The following UACA variants were observed in gnomAD, a reference collection of about 807,000 sequenced individuals.
UACA encodes nuclear membrane binding protein.
In UACA, 112 loss-of-function variants were observed where a neutral mutation model predicts 160.5. The ratio of observed to expected loss-of-function variants is 0.70; its 90% confidence interval spans 0.60 to 0.82. The LOEUF is 0.82. UACA is among the 40% of genes least tolerant of loss of function. UACA has a pLI of 0.00. For missense variants in UACA, 1,574 were observed against 1,614.6 expected, an observed-to-expected ratio of 0.97 and a Z score of 0.43; for synonymous variants, 557 against 568.4, an observed-to-expected ratio of 0.98 and a Z score of 0.29.
At chr15:70,666,571 T>C (rs555282400) in intron 16 of UACA, among the ~76,000 whole-genome samples, 153 bp downstream of exon 16, 34 of 152,232 alleles carry the variant, frequency 2.2e-4, no homozygotes, top group African/African-American at 7.7e-4. Flanking sequence ...TTACTTCACT[T>C]TTTTTTTCAA....
Position 70,667,344 on chromosome 15 carries a change from A to G in UACA, c.3340T>C (p.Leu1114=), listed in dbSNP as rs945027721. The change falls in exon 16 of 19, where the codon TTG becomes CTG. Residue 1114 remains leucine, a synonymous_variant. Transcript: ENST00000322954. ...QNLLQKQHVP[L]EQVEALKKSL... ...TTTTTCAGAGCCTCAACCTGTTCCAATGGAACATGTTGTTTTTGCAAAAGA... is the reference window on the plus strand; with the variant it reads ...TTTTTCAGAGCCTCAACCTGTTCCAGTGGAACATGTTGTTTTTGCAAAAGA... 3.1e-6 allele frequency: 5 copies of G among 1,612,836 alleles called. No homozygotes were observed. Among genetic ancestry groups the G allele is most frequent in the Admixed American group, 3.3e-5 (2 of 59,852 alleles).
At position 70,729,917 on chromosome 15, in the gene UACA, C is replaced by A. The variant is rs1308018356; in HGVS notation, c.79-30257G>T. Among the ~76,000 whole-genome samples, 4 of 115,200 alleles carry A rather than the reference C, an allele frequency of 3.5e-5. No homozygotes were observed. In the East Asian group the frequency reaches 9.3e-4, roughly 27 times the overall value. 75.6% of individuals were successfully genotyped at this position (115,200 alleles called of 152,430 possible). ...CACACGGCAGGGTATTCCAACAGAC[C>A]TGCAGCTGAGGGTCCTGTCTGTTAG... is the stretch of plus-strand genomic sequence containing the variant. On this transcript the variant is annotated intron_variant, in intron 1 of 18. Coordinates refer to ENST00000322954, the MANE Select transcript of UACA (RefSeq NM_018003.4).
intron 1 of UACA, among the ~76,000 whole-genome samples, chr15:70,738,021 T>C (rs928643443): frequency 3.9e-5 from 6 of 152,202 alleles, no homozygotes; most frequent in African/African-American, 1.4e-4. Flanking sequence ...GGACTTCCCA[T>C]TAATGTTTTG....
At chr15:70,760,730 C>T (rs2030700036) in intron 1 of UACA, among the ~76,000 whole-genome samples, 1 of 151,156 alleles carries the variant, frequency 6.6e-6, no homozygotes, top group Admixed American at 6.6e-5. Context: ...TCACTTGAAC[C>T]TGGGAGGCGG....
chr15:70,661,306 G>A (rs1235223893), intron 17 of UACA: 1 of 152,066 alleles, frequency 6.6e-6, no homozygotes, highest in Non-Finnish European at 1.5e-5. Flanking sequence ...CTCTCATCTT[G>A]TGATTTTTAC....
chr15:70,681,917 G>C (rs998986511), intron 9 of UACA: 5 of 152,300 alleles, frequency 3.3e-5, no homozygotes, highest in South Asian at 2.1e-4. Context: ...ATTCAGGTGA[G>C]AGGTACAAAA....
intron 15 of UACA, among the ~76,000 whole-genome samples, chr15:70,670,714 A>C (rs562251135): frequency 5.8e-4 from 89 of 152,248 alleles, no homozygotes; most frequent in African/African-American, 2.1e-3. Context: ...TGGATTATTC[A>C]TATCTGTCTT....
Position 70,667,199 on chromosome 15 carries a change from G to T in UACA, c.3485C>A (p.Ser1162Tyr), listed in dbSNP as rs759294074. The T allele has an allele frequency of 2.6e-5, 42 of 1,613,860 alleles. No individual in the cohort carries two copies. In the East Asian group the frequency reaches 3.6e-4, roughly 14 times the overall value. ...LHQLLENQKN[S>Y]SVPLAEHLQI... ...CAAATGCTCTGCCAGGGGTACAGAAGAGTTCTTTTGATTCTCCAACAATTG... is the reference window on the plus strand; with the variant it reads ...CAAATGCTCTGCCAGGGGTACAGAATAGTTCTTTTGATTCTCCAACAATTG... Residue 1162 changes from serine to tyrosine, a missense_variant, in exon 16 of 19, where the codon TCT (serine) becomes TAT (tyrosine). Transcript: ENST00000322954.
At chr15:70,703,237 A>G in intron 1 of UACA, 1 of 1,288,482 alleles carries the variant, frequency 7.8e-7, no homozygotes, top group South Asian at 1.2e-5. Context: ...AGAATAATTT[A>G]CACTTCCTCT....
intron 1 of UACA, chr15:70,703,154 A>AT (rs1441316023): frequency 2.3e-6 from 3 of 1,288,984 alleles, no homozygotes; most frequent in Non-Finnish European, 2.0e-6. Flanking sequence ...GGCCGGTGCA[A>AT]ATTCAGGGTG....
At chr15:70,736,939 T>A (rs182450907) in intron 1 of UACA, among the ~76,000 whole-genome samples, 6 of 152,322 alleles carry the variant, frequency 3.9e-5, no homozygotes, top group Admixed American at 1.3e-4. Context: ...GGGCTTGGCA[T>A]TTTATGTAAC....
chr15:70,682,704 G>A, intron 9 of UACA, 54 bp downstream of exon 9: 1 of 1,109,418 alleles, frequency 9.0e-7, no homozygotes, highest in Non-Finnish European at 1.2e-6. Flanking sequence ...GTTTTACTAA[G>A]CACTTTAAAC....
chr15:70,749,461 G>A (rs1040274933), intron 1 of UACA, among the ~76,000 whole-genome samples: 2 of 151,544 alleles, frequency 1.3e-5, no homozygotes, highest in East Asian at 1.9e-4. Flanking sequence ...GGGAGGTGGA[G>A]TTTTCAATGA....
Position 70,668,480 on chromosome 15 carries a change from T to C in UACA, c.2204A>G (p.Asn735Ser). 6.2e-7 allele frequency: 1 copy of C among 1,612,470 alleles called. No individual in the cohort carries two copies. Among genetic ancestry groups the C allele is most frequent in the Non-Finnish European group, 8.5e-7 (1 of 1,179,874 alleles). The part of the protein sequence containing the change: ...DNKLLKEQAH[N>S]LTIEMKNHYV... Reference sequence around the variant, plus strand: ...ATGATTTTTCATTTCAATTGTTAAGTTATGTGCTTGCTCCTTGAGGAGCTT... The same window carrying C: ...ATGATTTTTCATTTCAATTGTTAAGCTATGTGCTTGCTCCTTGAGGAGCTT... The change falls in exon 16 of 19, where the codon AAC (asparagine) becomes AGC (serine). Residue 735 changes from asparagine to serine, a missense_variant. Physicochemically the swap from Asn to Ser is conservative, Grantham distance 46. Transcript: ENST00000322954.
At chr15:70,671,686 T>C (rs1897145623) in intron 14 of UACA, 1 of 241,796 alleles carries the variant, frequency 4.1e-6, no homozygotes, top group African/African-American at 2.2e-5. Flanking sequence ...ACAAGACAAA[T>C]GTCTATGTCT....
intron 3 of UACA, among the ~76,000 whole-genome samples, chr15:70,693,118 G>C (rs1897997767): frequency 6.6e-6 from 1 of 152,164 alleles, no homozygotes; most frequent in African/African-American, 2.4e-5. Flanking sequence ...TCATTTACAT[G>C]TAAAGTAAGA....
chr15:70,695,885 G>T (rs138705145), intron 2 of UACA, among the ~76,000 whole-genome samples: 1 of 152,098 alleles, frequency 6.6e-6, no homozygotes, highest in East Asian at 1.9e-4. Flanking sequence ...GAAATATTTT[G>T]TGTGCAATGA....
At position 70,756,381 on chromosome 15, in the gene UACA, G is replaced by A. The variant is rs1168172794; in HGVS notation, c.78+6949C>T. Among the ~76,000 whole-genome samples, 9 of 151,612 alleles carry A rather than the reference G, an allele frequency of 5.9e-5. No homozygotes were observed. The East Asian group carries it at 1.4e-3, about 23-fold the overall frequency. ...TTACCATGTTGGCCAGGCTGGTCTC[G>A]AACTCCTGACCTCAAGCGATCTGCC... On this transcript the variant is annotated intron_variant, in intron 1 of 18. Coordinates refer to ENST00000322954, the MANE Select transcript of UACA (RefSeq NM_018003.4).
chr15:70,704,231 TC>T (rs894154154), intron 1 of UACA, among the ~76,000 whole-genome samples: 3 of 152,196 alleles, frequency 2.0e-5, no homozygotes, highest in African/African-American at 7.2e-5. Flanking sequence ...TCCTCTTTCC[TC>T]TTGGACTAAA....
Sources: allele counts gnomAD v4.1 joint callset (sites outside exome capture counted in the v4.1 genomes callset), GRCh38; gene constraint gnomAD v4.1.1; transcripts MANE v1.5; gene names NCBI Gene and HGNC (gene_info 2026-07-23, HGNC 2026-07-21).